ANO6: variants seen among roughly 807,000 people sequenced by gnomAD.
The protein encoded by ANO6 is anoctamin-6.
ANO6 carries 106 observed loss-of-function variants against 117.5 expected under a neutral mutation model. The ratio of observed to expected loss-of-function variants is 0.90; its 90% CI spans 0.77 to 1.06. The LOEUF (loss-of-function observed/expected upper bound fraction) is 1.06, where lower values mean the gene tolerates loss of function less well. Ranked by LOEUF, ANO6 falls within the 50% of genes least tolerant of loss-of-function variation. The pLI is 0.00. For synonymous variants in ANO6, 367 were observed against 385.1 expected (o/e 0.95, Z 0.55); for missense variants, 955 against 1,121.1 (o/e 0.85, Z 2.12).
chr12:45,236,907 T>TA (rs1380894923), intron 1 of ANO6, among the ~76,000 whole-genome samples: 1 of 152,222 alleles, frequency 6.6e-6, no homozygotes, highest in Non-Finnish European at 1.5e-5. Context: ...CCTGACTTTT[T>TA]AATGATCGCC....
chr12:45,266,488 C>A (rs1938219659), intron 1 of ANO6, among the ~76,000 whole-genome samples: 1 of 152,070 alleles, frequency 6.6e-6, no homozygotes. Context: ...GGTGCCAAGT[C>A]TTTTTTTAAA....
At chr12:45,291,249 G>A (rs1355700646) in intron 1 of ANO6, among the ~76,000 whole-genome samples, 1 of 151,636 alleles carries the variant, frequency 6.6e-6, no homozygotes, top group Non-Finnish European at 1.5e-5. Flanking sequence ...AGGAGGTTGA[G>A]GCAGGAAAAT....
rs371369575 is a variant in ANO6 at position 45,383,024 on chromosome 12, C to CATTTT, written c.1165+4913_1165+4917dup. 8.0e-3 allele frequency among the ~76,000 whole-genome samples: 1,224 copies of CATTTT among 152,294 alleles called. 4 individuals carry two copies. Among genetic ancestry groups the CATTTT allele is most frequent in the Non-Finnish European group, 0.013 (902 of 68,022 alleles). ...TCTAGCATGTGATACTGTGTGGTAGCATTTTACCCATAGTAGAACTTCTTT... is the reference window on the plus strand; with the variant it reads ...TCTAGCATGTGATACTGTGTGGTAGCATTTTATTTTACCCATAGTAGAACTTCTTT... On this transcript the variant is annotated intron_variant, in intron 10 of 19. Transcript: ENST00000320560.
At chr12:45,228,582 A>C (rs1025446505) in intron 1 of ANO6, among the ~76,000 whole-genome samples, 1 of 152,162 alleles carries the variant, frequency 6.6e-6, no homozygotes, top group African/African-American at 2.4e-5. Context: ...AGAGGAGGGA[A>C]GATTAATAGT....
intron 14 of ANO6, 53 bp downstream of exon 14, chr12:45,403,294 G>C: frequency 6.3e-7 from 1 of 1,586,820 alleles, no homozygotes; most frequent in Non-Finnish European, 8.6e-7. Context: ...TTTTCTCTCA[G>C]TTGCCCAAAT....
At chr12:45,273,453 T>A (rs893156940) in intron 1 of ANO6, among the ~76,000 whole-genome samples, 1 of 152,238 alleles carries the variant, frequency 6.6e-6, no homozygotes, top group Non-Finnish European at 1.5e-5. Flanking sequence ...AAATAGTTGA[T>A]AATTTGCTCT....
chr12:45,232,983 C>G (rs1947596321), intron 1 of ANO6, among the ~76,000 whole-genome samples: 1 of 152,158 alleles, frequency 6.6e-6, no homozygotes, highest in Admixed American at 6.5e-5. Context: ...TCCCTGCACT[C>G]CATCTTTTCC....
chr12:45,431,464 G>A lies in ANO6; in HGVS notation c.*2153G>A. ...GTATGATAGAACTTAAAAGAAATGT[G>A]CATTTGTTTTCATAGCCCCAGCAGA... On this transcript the variant is annotated 3_prime_UTR_variant, in exon 20 of 20. Transcript: ENST00000320560. The A allele has an allele frequency of 2.0e-6, 2 of 985,306 alleles. No homozygotes were observed. The highest frequency in any genetic ancestry group is 2.4e-6 in the Non-Finnish European group (2 of 829,896). The allele number at this position is 985,306 out of a possible 1,614,324, so 61.0% of individuals were successfully genotyped here. A position where few individuals can be genotyped will look rare whatever the true frequency, so the allele number is the denominator to read the frequency against.
At chr12:45,433,338 T>G (rs1239957938), downstream of ANO6, among the ~76,000 whole-genome samples, 1 of 152,180 alleles carries the variant, frequency 6.6e-6, no homozygotes, top group Non-Finnish European at 1.5e-5. Context: ...ATGTGGATGG[T>G]CTTTGCTTAT....
chr12:45,424,364 A>T (rs1377058198), intron 19 of ANO6, among the ~76,000 whole-genome samples: 1 of 111,348 alleles, frequency 9.0e-6, no homozygotes, highest in Non-Finnish European at 1.7e-5. Flanking sequence ...TTAAAGACAG[A>T]GTCTCACTCT....
Position 45,429,279 on chromosome 12 carries a change from G to T in ANO6, c.2701G>T (p.Val901Leu). The T allele has an allele frequency of 6.2e-7, 1 of 1,613,750 alleles. No individual in the cohort carries two copies. The change falls in exon 20 of 20, where the codon GTA (valine) becomes TTA (leucine). Residue 901 changes from valine to leucine, a missense_variant. Transcript: ENST00000320560. ...GATAGCTGAGCGGATGATAGAAGCA[G>T]TAGATAACAATTTACGGCCAAAATC... ...GVIAERMIEA[V>L]DNNLRPKSE is the part of the protein sequence containing the mutation.
rs1943617445 is a variant in ANO6, at chr12:45,430,945, C to T, written c.*1634C>T. On this transcript the variant is annotated 3_prime_UTR_variant, in exon 20 of 20. Transcript: ENST00000320560. ...TTAAACACCAGAGGAGCCAACCTAT[C>T]AGAATCCCAGCAGCAAAGGAAAACT... 1.0e-6 allele frequency: 1 copy of T among 985,278 alleles called. No individual in the cohort carries two copies. The highest frequency in any genetic ancestry group is 1.7e-5 in the African/African-American group (1 of 57,230). 61.0% of individuals were successfully genotyped at this position (985,278 alleles called of 1,614,324 possible). A position where few individuals can be genotyped will look rare whatever the true frequency, so the allele number is the denominator to read the frequency against.
intron 7 of ANO6, among the ~76,000 whole-genome samples, chr12:45,355,962 C>T (rs982174493): frequency 6.6e-6 from 1 of 152,148 alleles, no homozygotes; most frequent in African/African-American, 2.4e-5. Context: ...ATCTCCTTAT[C>T]GTACAGATCA....
chr12:45,354,091 T>C (rs1676480861), intron 7 of ANO6, among the ~76,000 whole-genome samples: 1 of 151,910 alleles, frequency 6.6e-6, no homozygotes. Context: ...CAGAGAAGTA[T>C]CTGAAGAACT....
At chr12:45,272,250 T>C (rs536698589) in intron 1 of ANO6, among the ~76,000 whole-genome samples, 6 of 151,878 alleles carry the variant, frequency 4.0e-5, no homozygotes, top group Admixed American at 3.9e-4. Flanking sequence ...AAACTACTAA[T>C]GAGTAACCAA....
chr12:45,244,976 C>G (rs563092861), intron 1 of ANO6, among the ~76,000 whole-genome samples: 197 of 152,296 alleles, frequency 1.3e-3, no homozygotes, highest in African/African-American at 4.5e-3. Context: ...TAGTATTGCT[C>G]TCAGGCACCA....
At chr12:45,331,839 C>T (rs1940675387) in intron 3 of ANO6, among the ~76,000 whole-genome samples, 1 of 152,102 alleles carries the variant, frequency 6.6e-6, no homozygotes, top group Non-Finnish European at 1.5e-5. Context: ...TCCTTTCATA[C>T]AGCATGAAGT....
At chr12:45,327,189 T>C (rs541788313) in intron 2 of ANO6, among the ~76,000 whole-genome samples, 1 of 152,256 alleles carries the variant, frequency 6.6e-6, no homozygotes, top group Non-Finnish European at 1.5e-5. Flanking sequence ...GAGTATTTCA[T>C]TTGGGCAGTA....
intron 1 of ANO6, among the ~76,000 whole-genome samples, chr12:45,286,959 T>A (rs958822023): frequency 1.3e-5 from 2 of 152,220 alleles, no homozygotes; most frequent in South Asian, 2.1e-4. Flanking sequence ...AGTCTTATAT[T>A]AGTTATGCAT....
Sources: gnomAD v4.1 joint callset for allele counts (sites outside exome capture counted in the v4.1 genomes callset) on GRCh38, gnomAD v4.1.1 for gene constraint, MANE v1.5 for transcripts, NCBI Gene and HGNC (gene_info 2026-07-23, HGNC 2026-07-21) for gene names.